KIAA0319L: variants seen among roughly 807,000 people sequenced by gnomAD.
KIAA0319L encodes the protein KIAA0319 like, also known as dyslexia-associated protein KIAA0319-like protein.
Under a neutral mutation model 120.1 loss-of-function variants are expected in KIAA0319L, and 55 were observed. The ratio of observed to expected loss-of-function variants is 0.46; its 90% CI spans 0.37 to 0.57. The LOEUF (loss-of-function observed/expected upper bound fraction) is 0.57, where lower values mean the gene tolerates loss of function less well. Ranked by LOEUF, KIAA0319L falls within the 20% of genes least tolerant of loss-of-function variation. The pLI, the probability that KIAA0319L is intolerant of heterozygous loss-of-function variation, is 0.00. For missense variants in KIAA0319L, 1,049 were observed against 1,255.3 expected (o/e 0.84, Z 2.48); for synonymous variants, 398 against 471.9 (o/e 0.84, Z 2.03).
At chr1:35,540,481 C>T (rs1456489715) in intron 2 of KIAA0319L, among the ~76,000 whole-genome samples, 2 of 152,168 alleles carry the variant, frequency 1.3e-5, no homozygotes, top group Non-Finnish European at 2.9e-5. Flanking sequence ...GAAATCACCA[C>T]AGGAACACAC....
In KIAA0319L at chr1:35,470,942, T is replaced by C; in HGVS notation, c.1034A>G (p.Asp345Gly). 1 of 1,611,294 alleles carries C rather than the reference T, an allele frequency of 6.2e-7. No homozygotes were observed. The highest frequency in any genetic ancestry group is 8.5e-7 in the Non-Finnish European group (1 of 1,177,408). ...EPPKGETYTY[D>G]WQLITHPRDY... ...TCTAGGATGAGTAATCAGCTGCCAGTCGTAGGTGTAGGTTTCTCCTATAGA... is the reference window on the plus strand; with the variant it reads ...TCTAGGATGAGTAATCAGCTGCCAGCCGTAGGTGTAGGTTTCTCCTATAGA... The change falls in exon 6 of 21, where the codon GAC (aspartate) becomes GGC (glycine). Residue 345 changes from aspartate (D) to glycine (G), a missense_variant. Asp to Gly is a moderately conservative substitution (Grantham distance 94). Transcript: ENST00000325722.
chr1:35,468,449 G>A (rs900461893), intron 6 of KIAA0319L, among the ~76,000 whole-genome samples: 1 of 152,008 alleles, frequency 6.6e-6, no homozygotes, highest in Non-Finnish European at 1.5e-5. Flanking sequence ...TATCTCTCCA[G>A]CCCAGACTTG....
At chr1:35,438,659 C>A (rs1370294725) in intron 20 of KIAA0319L, 1 of 151,530 alleles carries the variant, frequency 6.6e-6, no homozygotes, top group Non-Finnish European at 1.5e-5. Flanking sequence ...GGATTACAGG[C>A]ACCCACCACC....
chr1:35,447,695 C>T (rs1641735335), intron 16 of KIAA0319L, among the ~76,000 whole-genome samples: 2 of 151,942 alleles, frequency 1.3e-5, no homozygotes, highest in South Asian at 4.2e-4. Flanking sequence ...CCTCAGCTTC[C>T]CAAATAGCTT....
At chr1:35,467,855 A>AT (rs1366025514) in intron 6 of KIAA0319L, among the ~76,000 whole-genome samples, 1 of 151,934 alleles carries the variant, frequency 6.6e-6, no homozygotes, top group Non-Finnish European at 1.5e-5. Context: ...TTCCCAGCTA[A>AT]TTTTTTATTT....
chr1:35,460,169 A>G (rs377123876), intron 9 of KIAA0319L, 136 bp downstream of exon 9: 6 of 722,750 alleles, frequency 8.3e-6, no homozygotes, highest in South Asian at 5.6e-5. Context: ...CAGAGAACCA[A>G]TGGAACCAAA....
intron 20 of KIAA0319L, chr1:35,439,955 T>C (rs1484724990): frequency 6.6e-6 from 1 of 152,064 alleles, no homozygotes; most frequent in African/African-American, 2.4e-5. Context: ...GTGCTAGAAA[T>C]AGTAAGTCAT....
At chr1:35,556,635 T>C (rs1194744483) in intron 1 of KIAA0319L, 1 of 152,250 alleles carries the variant, frequency 6.6e-6, no homozygotes, top group Non-Finnish European at 1.5e-5. Flanking sequence ...CTGCAACTAC[T>C]GTCAGTTGGA....
intron 7 of KIAA0319L, among the ~76,000 whole-genome samples, chr1:35,466,269 T>C (rs2149115917): frequency 6.6e-6 from 1 of 152,282 alleles, no homozygotes; most frequent in Middle Eastern, 3.4e-3. Context: ...GTTCTCCTTC[T>C]GCATGCTTCT....
At chr1:35,531,208 G>A (rs1646353071) in intron 2 of KIAA0319L, among the ~76,000 whole-genome samples, 2 of 152,182 alleles carry the variant, frequency 1.3e-5, no homozygotes, top group Non-Finnish European at 2.9e-5. Flanking sequence ...AGTGACAGTG[G>A]CCCCAGGCAG....
Position 35,442,304 on chromosome 1 carries a change from A to C in KIAA0319L, c.2812T>G (p.Phe938Val). 4 of 1,613,946 alleles carry C rather than the reference A, an allele frequency of 2.5e-6. No individual in the cohort carries two copies. Among genetic ancestry groups the C allele is most frequent in the Non-Finnish European group, 3.4e-6 (4 of 1,179,790 alleles). The change falls in exon 19 of 21, where the codon TTT becomes GTT. Residue 938 changes from phenylalanine (F) to valine (V), a missense_variant. Coordinates refer to ENST00000325722, the MANE Select transcript of KIAA0319L (RefSeq NM_024874.5). Reference protein sequence around the residue: ...WSVLYVIIATFVIVVALGILS... With the variant: ...WSVLYVIIATVVIVVALGILS... ...ATTCCCAAGGCAACAACAATGACAA[A>C]GGTAGCAATGATAACATATAACACG...
chr1:35,528,916 C>CT (rs1171706524), intron 2 of KIAA0319L, among the ~76,000 whole-genome samples: 1 of 152,194 alleles, frequency 6.6e-6, no homozygotes, highest in Non-Finnish European at 1.5e-5. Context: ...ACAAGTAAAG[C>CT]TATTCCTGCT....
At chr1:35,465,209 C>A (rs376890132) in intron 7 of KIAA0319L, among the ~76,000 whole-genome samples, 1 of 152,290 alleles carries the variant, frequency 6.6e-6, no homozygotes, top group Non-Finnish European at 1.5e-5. Flanking sequence ...CCGGAAAAGC[C>A]GCAGACACTC....
At chr1:35,501,783 C>T (rs1645014918) in intron 3 of KIAA0319L, among the ~76,000 whole-genome samples, 1 of 151,082 alleles carries the variant, frequency 6.6e-6, no homozygotes, top group South Asian at 2.1e-4. Context: ...GAGGCTGAGG[C>T]AGACGAATTG....
At chr1:35,449,729 G>T in intron 15 of KIAA0319L, 138 bp downstream of exon 15, 1 of 881,028 alleles carries the variant, frequency 1.1e-6, no homozygotes, top group Non-Finnish European at 1.7e-6. Flanking sequence ...GGATTTTTCA[G>T]CTTGGGGTTT....
rs191551406 is a variant in KIAA0319L, at chr1:35,466,949, A to G, written c.1114-254T>C. ...TCTACCAAAAATACAAAAATTAGCC[A>G]GGTGTGGTGGCACACACCTGTAGTC... On this transcript the variant is annotated intron_variant, in intron 6 of 20. Transcript: ENST00000325722. 2.6e-3 allele frequency among the ~76,000 whole-genome samples: 403 copies of G among 152,212 alleles called. 7 individuals are homozygous for G. Among genetic ancestry groups the G allele is most frequent in the Non-Finnish European group, 4.7e-4 (32 of 68,002 alleles).
At chr1:35,457,244 A>G (rs1037200489) in intron 9 of KIAA0319L, among the ~76,000 whole-genome samples, 7 of 152,142 alleles carry the variant, frequency 4.6e-5, no homozygotes, top group African/African-American at 1.7e-4. Context: ...CAGAAACCAA[A>G]TCTTAAGAAG....
intron 2 of KIAA0319L, among the ~76,000 whole-genome samples, chr1:35,521,373 G>A (rs1368722871): frequency 6.6e-6 from 1 of 151,258 alleles, no homozygotes; most frequent in Non-Finnish European, 1.5e-5. Context: ...AGTGGCTCAC[G>A]CCTGTAATCC....
At chr1:35,544,114 T>A (rs1210199432) in intron 2 of KIAA0319L, among the ~76,000 whole-genome samples, 1 of 152,070 alleles carries the variant, frequency 6.6e-6, no homozygotes, top group African/African-American at 2.4e-5. Flanking sequence ...GTGCTTGTAA[T>A]CCTAGCACTT....
Sources: gnomAD v4.1 joint callset for allele counts (sites outside exome capture counted in the v4.1 genomes callset) on GRCh38, gnomAD v4.1.1 for gene constraint, MANE v1.5 for transcripts, NCBI Gene and HGNC (gene_info 2026-07-23, HGNC 2026-07-21) for gene names.